Variants in B4GALT4 observed in about 807,000 individuals in gnomAD.
B4GALT4 encodes N-acetyllactosamine synthase.
A neutral mutation model predicts 37.3 loss-of-function variants in B4GALT4; 27 were observed. That is an observed-to-expected ratio of 0.72 (90% CI 0.53 to 1.00). The LOEUF (loss-of-function observed/expected upper bound fraction) is 1.00, where lower values mean the gene tolerates loss of function less well. Ranked by LOEUF, B4GALT4 falls within the 50% of genes least tolerant of loss-of-function variation. The pLI, the probability that B4GALT4 is intolerant of heterozygous loss-of-function variation, is 0.00. For missense variants in B4GALT4, 372 were observed against 413.1 expected, an observed-to-expected ratio of 0.90 and a Z score of 0.86; for synonymous variants, 148 against 154.1, an observed-to-expected ratio of 0.96 and a Z score of 0.29.
chr3:119,219,728 CACCTCCCA>C (rs1348038814), intron 5 of B4GALT4, among the ~76,000 whole-genome samples: 1 of 152,174 alleles, frequency 6.6e-6, no homozygotes, highest in African/African-American at 2.4e-5. Flanking sequence ...AGTTAGAGAG[CACCTCCCA>C]GCCTCCCAGT....
At chr3:119,225,154 T>A (rs948836507) in intron 4 of B4GALT4, among the ~76,000 whole-genome samples, 4 of 152,216 alleles carry the variant, frequency 2.6e-5, no homozygotes, top group African/African-American at 9.7e-5. Context: ...AGGCTAATCC[T>A]CACAGTGGCC....
chr3:119,232,550 T>A (rs568055839), intron 2 of B4GALT4: 5,046 of 152,276 alleles, frequency 0.033, 276 homozygotes, highest in African/African-American at 0.12. Flanking sequence ...GACCCTTGAA[T>A]ATTCAGGTTC....
chr3:119,237,218 G>A (rs994036714), intron 1 of B4GALT4, 148 bp from the exon 2 acceptor site: 1 of 152,210 alleles, frequency 6.6e-6, no homozygotes, highest in African/African-American at 2.4e-5. Context: ...GAAACCAACA[G>A]TGGAGTCAGT....
rs753337890 is a variant in B4GALT4 at position 119,226,954 on chromosome 3, C to T, written c.341G>A (p.Arg114His). 5.5e-5 allele frequency: 88 copies of T among 1,614,146 alleles called. No homozygotes were observed. The highest frequency in any genetic ancestry group is 6.7e-5 in the Non-Finnish European group (79 of 1,180,024). The change falls in exon 4 of 8, where the codon CGC becomes CAC. Residue 114 changes from arginine (R) to histidine (H), a missense_variant. Arg to His is a conservative substitution (Grantham distance 29). Coordinates refer to ENST00000393765, the MANE Select transcript of B4GALT4 (RefSeq NM_003778.4). ...ENPKVSRGRY[R>H]PQECKALQRV... ...CTGTAAAGCTTTACATTCCTGAGGG[C>T]GATACCGGCCTCTGGACACTTTGGG...
At chr3:119,237,868 A>G (rs2079029430) in intron 1 of B4GALT4, among the ~76,000 whole-genome samples, 1 of 152,252 alleles carries the variant, frequency 6.6e-6, no homozygotes, top group Admixed American at 6.5e-5. Context: ...TTAATTAATT[A>G]TAATACATCC....
intron 2 of B4GALT4, among the ~76,000 whole-genome samples, chr3:119,230,675 A>C (rs1448761685): frequency 6.6e-6 from 1 of 152,206 alleles, no homozygotes; most frequent in Non-Finnish European, 1.5e-5. Context: ...AAGAGAAAAT[A>C]AGGGAAAAGG....
At chr3:119,225,338 TACC>T (rs772170646) in intron 4 of B4GALT4, among the ~76,000 whole-genome samples, 37 of 152,222 alleles carry the variant, frequency 2.4e-4, no homozygotes, top group Non-Finnish European at 5.1e-4. Context: ...TCTCAGAAGT[TACC>T]ACAATGTTTT....
At chr3:119,239,125 A>C (rs2079071286) in intron 1 of B4GALT4, among the ~76,000 whole-genome samples, 1 of 152,188 alleles carries the variant, frequency 6.6e-6, no homozygotes, top group African/African-American at 2.4e-5. Flanking sequence ...CAGGAGTTCC[A>C]GACCAGCCTG....
At chr3:119,234,560 T>C (rs2078925872) in intron 2 of B4GALT4, among the ~76,000 whole-genome samples, 1 of 152,250 alleles carries the variant, frequency 6.6e-6, no homozygotes, top group African/African-American at 2.4e-5. Context: ...ATTTTTTCTT[T>C]TAATGAGTAT....
rs1559913185 is a variant in B4GALT4 at position 119,216,242 on chromosome 3, T to C, written c.900A>G (p.Glu300=). ...AGGCAGGTGAAGCCAGGACTTACCG[T>C]TCTGCGTTCACCTCATTGCCTTTGT... The part of the protein sequence containing the change: ...TRDKGNEVNA[E]RMKLLHQVSR... Residue 300 remains glutamate, a splice_region_variant and synonymous_variant, in exon 7 of 8, where the codon GAA becomes GAG. Transcript: ENST00000393765. 1.9e-6 allele frequency: 3 copies of C among 1,610,894 alleles called. No homozygotes were observed. In the South Asian group the frequency reaches 3.3e-5, roughly 18 times the overall value.
chr3:119,234,929 A>C (rs2078941073), intron 2 of B4GALT4: 1 of 152,236 alleles, frequency 6.6e-6, no homozygotes, highest in African/African-American at 2.4e-5. Flanking sequence ...CAATTCAACC[A>C]GTCTTTTTCT....
intron 6 of B4GALT4, 103 bp from the exon 7 acceptor site, chr3:119,216,447 C>A: frequency 2.2e-6 from 1 of 461,066 alleles, no homozygotes; most frequent in Non-Finnish European, 3.7e-6. Flanking sequence ...CACGCACATA[C>A]ACACACACAC....
chr3:119,218,501 C>T (rs1353548110), intron 6 of B4GALT4, 149 bp downstream of exon 6: 5 of 1,112,408 alleles, frequency 4.5e-6, no homozygotes, highest in African/African-American at 3.1e-5. Context: ...GGCCATCCTA[C>T]CTTCCCTCCA....
In B4GALT4 at chr3:119,226,919, T is replaced by G; in HGVS notation, c.376A>C (p.Ile126Leu). The change falls in exon 4 of 8, where the codon ATC (isoleucine) becomes CTC (leucine). Residue 126 changes from isoleucine to leucine, a missense_variant. By Grantham distance (5) the Ile-to-Leu change is conservative. Coordinates refer to ENST00000393765, the MANE Select transcript of B4GALT4 (RefSeq NM_003778.4). ...TCTCTGTTCCGGTGGGGAACGAGGA[T>G]GGCGACCCTCTGTAAAGCTTTACAT... Reference protein sequence around the residue: ...QECKALQRVAILVPHRNREKH... With the variant: ...QECKALQRVALLVPHRNREKH... The G allele has an allele frequency of 6.2e-7, 1 of 1,614,152 alleles. No homozygotes were observed. The highest frequency in any genetic ancestry group is 8.5e-7 in the Non-Finnish European group (1 of 1,180,026).
intron 2 of B4GALT4, among the ~76,000 whole-genome samples, chr3:119,235,966 G>C (rs1255775667): frequency 6.6e-6 from 1 of 152,012 alleles, no homozygotes; most frequent in Non-Finnish European, 1.5e-5. Flanking sequence ...AGTGAGCGAT[G>C]GAAAAAAAAT....
chr3:119,231,099 T>C (rs2078799417), intron 2 of B4GALT4, among the ~76,000 whole-genome samples: 1 of 152,238 alleles, frequency 6.6e-6, no homozygotes, highest in African/African-American at 2.4e-5. Flanking sequence ...GTAGACACAC[T>C]GAAACACCAC....
rs375760635 is a variant in B4GALT4 at position 119,216,214 on chromosome 3, G to A, written c.902+26C>T. 25 of 1,565,138 alleles carry A rather than the reference G, an allele frequency of 1.6e-5. No homozygotes were observed. The African/African-American group carries it at 2.7e-4, about 17-fold the overall frequency. On this transcript the variant is annotated intron_variant, in intron 7 of 7. Transcript: ENST00000393765. ...ACAGAACAGACTAGGGAGGTAGCCT[G>A]CTAGGCAGGTGAAGCCAGGACTTAC... is the stretch of plus-strand genomic sequence containing the variant.
intron 2 of B4GALT4, among the ~76,000 whole-genome samples, chr3:119,231,812 ATTTT>A (rs1167406607): frequency 6.8e-6 from 1 of 146,132 alleles, no homozygotes; most frequent in African/African-American, 2.5e-5. Flanking sequence ...AAAATAATAT[ATTTT>A]ATATTTTAAT....
At chr3:119,219,023 T>C (rs2078371240) in intron 5 of B4GALT4, among the ~76,000 whole-genome samples, 1 of 152,070 alleles carries the variant, frequency 6.6e-6, no homozygotes, top group South Asian at 2.1e-4. Flanking sequence ...TGTTTGTGTG[T>C]AGAGGCCTAT....
Sources: allele counts gnomAD v4.1 joint callset (sites outside exome capture counted in the v4.1 genomes callset), GRCh38; gene constraint gnomAD v4.1.1; transcripts MANE v1.5; gene names NCBI Gene and HGNC (gene_info 2026-07-23, HGNC 2026-07-21).